Variants in TLE3 observed in about 807,000 individuals in gnomAD.
The protein encoded by TLE3 is TLE family member 3, transcriptional corepressor.
Under a neutral mutation model 93.0 loss-of-function variants are expected in TLE3, and 14 were observed. That is an observed-to-expected ratio of 0.15 (90% CI 0.10 to 0.24). The LOEUF (loss-of-function observed/expected upper bound fraction) is 0.24, where lower values mean the gene tolerates loss of function less well. Among genes scored for constraint, TLE3 ranks in the 10% least tolerant of loss-of-function variants. TLE3 has a pLI of 1.00. For missense variants in TLE3, 693 were observed against 1,046.6 expected (o/e 0.66, Z 4.66); for synonymous variants, 451 against 425.0 (o/e 1.06, Z -0.75).
Position 70,094,519 on chromosome 15 carries a change from G to A in TLE3, c.234+13C>T, listed in dbSNP as rs1240809553. On this transcript the variant is annotated intron_variant, in intron 4 of 19. Coordinates refer to ENST00000451782, the MANE Select transcript of TLE3 (RefSeq NM_001105192.3). ...AAAAATGAAATATATTTTTAAAAGA[G>A]AAAAGCACTTACCTGCTTGTGCATT... 3 of 1,535,492 alleles carry A rather than the reference G, an allele frequency of 2.0e-6. No homozygotes were observed. The highest frequency in any genetic ancestry group is 2.4e-5 in the East Asian group (1 of 40,994).
chr15:70,096,579 G>GCC, intron 1 of TLE3, 196 bp downstream of exon 1: 1 of 1,510,994 alleles, frequency 6.6e-7, no homozygotes, highest in South Asian at 1.2e-5. Context: ...AACACAAGCA[G>GCC]CCCCCCGCGC....
At chr15:70,060,403 T>C (rs974744327) in intron 9 of TLE3, 127 bp downstream of exon 9, 57 of 1,276,054 alleles carry the variant, frequency 4.5e-5, no homozygotes, top group Non-Finnish European at 5.9e-5. Context: ...GGGTCCCCTA[T>C]CGCCAACCTG....
In TLE3 at chr15:70,049,986, G is replaced by C. The variant is rs750965360; in HGVS notation, c.*111C>G. On this transcript the variant is annotated 3_prime_UTR_variant, in exon 20 of 20. Coordinates refer to ENST00000451782, the MANE Select transcript of TLE3 (RefSeq NM_001105192.3). ...GGCCGGAGCGCAGCCCTGAACGCTC[G>C]GCTGCCTGCGGCCCATCCTCCGCCA... 1.0e-5 allele frequency: 9 copies of C among 865,064 alleles called. No individual in the cohort carries two copies. In the Admixed American group the frequency reaches 1.5e-4, roughly 15 times the overall value. 53.6% of individuals were successfully genotyped at this position (865,064 alleles called of 1,614,324 possible).
intron 4 of TLE3, among the ~76,000 whole-genome samples, chr15:70,091,329 G>C (rs1184400617): frequency 6.6e-6 from 1 of 152,264 alleles, no homozygotes; most frequent in African/African-American, 2.4e-5. Context: ...CAGCTTCTCA[G>C]AGAGCCAGTG....
intron 5 of TLE3, among the ~76,000 whole-genome samples, chr15:70,075,244 T>C (rs1460099646): frequency 2.6e-5 from 4 of 152,236 alleles, no homozygotes; most frequent in Non-Finnish European, 5.9e-5. Flanking sequence ...TTTCAACAAA[T>C]GTACCACTCT....
In TLE3 at chr15:70,096,788, T is replaced by C; in HGVS notation, c.11A>G (p.Gln4Arg). 6.2e-7 allele frequency: 1 copy of C among 1,612,498 alleles called. No homozygotes were observed. The highest frequency in any genetic ancestry group is 2.2e-5 in the East Asian group (1 of 44,770). Residue 4 changes from glutamine to arginine, a missense_variant, in exon 1 of 20, where the codon CAG becomes CGG. Transcript: ENST00000451782. MYP[Q>R]GRHPAPHQPG... ...GCAATTACTCACCGGATGTCTGCCC[T>C]GCGGATACATGGCAGGGAGGGGTCG...
At chr15:70,081,083 T>C (rs1288186113) in intron 4 of TLE3, among the ~76,000 whole-genome samples, 2 of 152,236 alleles carry the variant, frequency 1.3e-5, no homozygotes, top group East Asian at 1.9e-4. Context: ...GAGTGTGTTA[T>C]GCTCCAACGC....
intron 10 of TLE3, 149 bp downstream of exon 10, chr15:70,059,261 G>T: frequency 2.2e-6 from 2 of 896,870 alleles, no homozygotes; most frequent in South Asian, 1.8e-5. Flanking sequence ...TGCTCCTCTT[G>T]ACCCCCTGAG....
At chr15:70,073,838 C>T (rs891916085) in intron 6 of TLE3, among the ~76,000 whole-genome samples, 2 of 152,222 alleles carry the variant, frequency 1.3e-5, no homozygotes, top group African/African-American at 4.8e-5. Flanking sequence ...CTAAGAAATG[C>T]ATTAAAGATA....
At chr15:70,091,972 C>T (rs560021987) in intron 4 of TLE3, among the ~76,000 whole-genome samples, 1 of 148,484 alleles carries the variant, frequency 6.7e-6, no homozygotes, top group African/African-American at 2.5e-5. Context: ...ACAGTCCCCA[C>T]CCCCACCCCA....
chr15:70,096,608 C>T, intron 1 of TLE3, 167 bp downstream of exon 1: 3 of 1,540,470 alleles, frequency 1.9e-6, no homozygotes, highest in Non-Finnish European at 2.6e-6. Context: ...CGGAATTAAC[C>T]TCCTCTCTCA....
Position 70,058,434 on chromosome 15 carries a change from C to T in TLE3, c.919-143G>A. On this transcript the variant is annotated intron_variant, in intron 11 of 19. Transcript: ENST00000451782. The surrounding 1 kb of genome is among the most constrained non-coding windows in gnomAD (Gnocchi z 4.1). ...GCCGAACAGCCTCTCAATCCTTGCC[C>T]AACCTTGTTTGGCAGGGACTGGGGT... The T allele has an allele frequency of 7.1e-7, 1 of 1,410,056 alleles. No homozygotes were observed. The highest frequency in any genetic ancestry group is 1.4e-5 in the South Asian group (1 of 71,770). 87.3% of individuals were successfully genotyped at this position (1,410,056 alleles called of 1,614,324 possible). A position where few individuals can be genotyped will look rare whatever the true frequency, so the allele number is the denominator to read the frequency against.
Position 70,095,990 on chromosome 15 carries a change from C to A in TLE3, c.125+171G>T. 9 of 812,052 alleles carry A rather than the reference C, an allele frequency of 1.1e-5. No individual in the cohort carries two copies. In the South Asian group the frequency reaches 1.5e-4, roughly 13 times the overall value. The allele number at this position is 812,052 out of a possible 1,614,324, so 50.3% of individuals were successfully genotyped here. On this transcript the variant is annotated intron_variant, in intron 2 of 19. Transcript: ENST00000451782. ...GCGCTGGGAGCCGGGCTGCTGCGGG[C>A]AGTAAAGGGTTAAGGCGGCGCGCTC...
chr15:70,095,790 G>A (rs1378283086), intron 2 of TLE3, 149 bp from the exon 3 acceptor site: 4 of 958,118 alleles, frequency 4.2e-6, no homozygotes, highest in Admixed American at 3.0e-5. Context: ...GACGCGGGGG[G>A]ATTTGGGTCC....
In TLE3 at chr15:70,097,762, CCA is replaced by C; in HGVS notation, c.-966_-965del. On this transcript the variant is annotated 5_prime_UTR_variant, in exon 1 of 20. Transcript: ENST00000451782. ...CTCCTCTCCGCGCCCCGGCAAACCCCCAAAACACACACACCCAACACACACAC... is the reference window on the plus strand; with the variant it reads ...CTCCTCTCCGCGCCCCGGCAAACCCCAAACACACACACCCAACACACACAC... The C allele has an allele frequency of 2.5e-6, 1 of 394,940 alleles. No homozygotes were observed. The highest frequency in any genetic ancestry group is 3.6e-5 in the East Asian group (1 of 27,902). The allele number at this position is 394,940 out of a possible 1,614,324, so 24.5% of individuals were successfully genotyped here.
At chr15:70,062,189 C>T (rs1238047013) in intron 8 of TLE3, among the ~76,000 whole-genome samples, 1 of 152,248 alleles carries the variant, frequency 6.6e-6, no homozygotes, top group South Asian at 2.1e-4. Context: ...AATGGAACTG[C>T]AGCTCAACCT....
At chr15:70,083,714 G>A (rs375541836) in intron 4 of TLE3, among the ~76,000 whole-genome samples, 8 of 151,722 alleles carry the variant, frequency 5.3e-5, no homozygotes, top group African/African-American at 1.9e-4. Flanking sequence ...CCCCTCAACA[G>A]GCTGTAAAAG....
intron 6 of TLE3, among the ~76,000 whole-genome samples, chr15:70,071,466 G>T (rs2057155830): frequency 6.6e-6 from 1 of 151,990 alleles, no homozygotes; most frequent in African/African-American, 2.4e-5. Context: ...TTCTCACCAG[G>T]AAGGAAGACC....
intron 15 of TLE3, 69 bp from the exon 16 acceptor site, chr15:70,054,754 A>G: frequency 6.8e-7 from 1 of 1,470,296 alleles, no homozygotes; most frequent in African/African-American, 1.4e-5. Context: ...AGTCCTGTCC[A>G]GCAACACCGA....
Sources: gnomAD v4.1 joint callset for allele counts (sites outside exome capture counted in the v4.1 genomes callset) on GRCh38, gnomAD v4.1.1 for gene constraint, Gnocchi (gnomAD v3.1) non-coding constraint, MANE v1.5 for transcripts, NCBI Gene and HGNC (gene_info 2026-07-23, HGNC 2026-07-21) for gene names.